Variants in ADAMTSL3 observed in about 807,000 individuals in gnomAD.
ADAMTSL3 encodes ADAMTS like 3.
ADAMTSL3 carries 128 observed loss-of-function variants against 201.7 expected under a neutral mutation model. That is an observed-to-expected ratio of 0.63 (90% CI 0.55 to 0.73). The LOEUF is 0.73. Among genes scored for constraint, ADAMTSL3 ranks in the 30% least tolerant of loss-of-function variants. The pLI, the probability that ADAMTSL3 is intolerant of heterozygous loss-of-function variation, is 0.00. For synonymous variants in ADAMTSL3, 738 were observed against 748.4 expected (o/e 0.99, Z 0.23); for missense variants, 1,990 against 2,119.6 (o/e 0.94, Z 1.20).
chr15:83,676,401 A>G (rs1171515207), intron 2 of ADAMTSL3, among the ~76,000 whole-genome samples: 1 of 152,110 alleles, frequency 6.6e-6, no homozygotes, highest in Non-Finnish European at 1.5e-5. Context: ...CCCTTTGGCC[A>G]GGCGTGGTGG....
chr15:83,885,259 T>C (rs927891493), intron 10 of ADAMTSL3, 47 bp downstream of exon 10: 10 of 1,440,344 alleles, frequency 6.9e-6, no homozygotes, highest in Middle Eastern at 1.7e-4. Context: ...CAGAGTTAGA[T>C]AAATTAGACA....
chr15:83,827,155 C>T (rs1419931908), intron 6 of ADAMTSL3, among the ~76,000 whole-genome samples: 1 of 152,214 alleles, frequency 6.6e-6, no homozygotes, highest in Non-Finnish European at 1.5e-5. Context: ...TATTTCTCCA[C>T]ATCCTCTCCA....
At position 84,002,419 on chromosome 15, in the gene ADAMTSL3, T is replaced by A. The variant is rs539440916; in HGVS notation, c.3973+11205T>A. 3.9e-5 allele frequency among the ~76,000 whole-genome samples: 6 copies of A among 152,280 alleles called. No individual in the cohort carries two copies. The East Asian group carries it at 1.2e-3, about 29-fold the overall frequency. On this transcript the variant is annotated intron_variant, in intron 23 of 29. Coordinates refer to ENST00000286744, the MANE Select transcript of ADAMTSL3 (RefSeq NM_207517.3). ...CTGTCTTCAGTGCCACCAGTACATTTCTCTGTCCTGAAAACTCCACAGTCA... is the reference window on the plus strand; with the variant it reads ...CTGTCTTCAGTGCCACCAGTACATTACTCTGTCCTGAAAACTCCACAGTCA...
intron 2 of ADAMTSL3, among the ~76,000 whole-genome samples, chr15:83,669,174 C>T (rs2061289421): frequency 6.6e-6 from 1 of 152,148 alleles, no homozygotes; most frequent in African/African-American, 2.4e-5. Flanking sequence ...TAGACGGAGT[C>T]TCACTCGGCT....
At chr15:83,723,805 T>C (rs951000368) in intron 3 of ADAMTSL3, among the ~76,000 whole-genome samples, 1 of 152,146 alleles carries the variant, frequency 6.6e-6, no homozygotes, top group African/African-American at 2.4e-5. Context: ...AATTTTCTTT[T>C]AAATGTATTC....
At position 83,853,906 on chromosome 15, in the gene ADAMTSL3, CTCTATCTATCTATCTA is replaced by C. The variant is rs36062109; in HGVS notation, c.728-4823_728-4808del. Among the ~76,000 whole-genome samples the C allele has an allele frequency of 7.9e-3, 1,163 of 146,570 alleles. 11 individuals are homozygous for C. The highest frequency in any genetic ancestry group is 0.023 in the African/African-American group (904 of 39,180). On this transcript the variant is annotated intron_variant, in intron 7 of 29. Transcript: ENST00000286744. ...TGGTTCATTATCCCTATCACTCTAT[CTCTATCTATCTATCTA>C]TCTATCTATCTATCTATCTATCTAT...
chr15:84,016,610 C>G, intron 25 of ADAMTSL3, 111 bp downstream of exon 25: 2 of 915,088 alleles, frequency 2.2e-6, no homozygotes, highest in Non-Finnish European at 3.3e-6. Flanking sequence ...AAAATTATTT[C>G]TAGGCATTTG....
intron 28 of ADAMTSL3, 39 bp from the exon 29 acceptor site, chr15:84,036,734 A>AT: frequency 6.4e-7 from 1 of 1,550,888 alleles, no homozygotes; most frequent in South Asian, 1.2e-5. Flanking sequence ...TGCCTCTCCT[A>AT]TTTTTTGTTT....
chr15:84,023,688 C>G (rs1478469474), intron 26 of ADAMTSL3, among the ~76,000 whole-genome samples: 1 of 152,158 alleles, frequency 6.6e-6, no homozygotes, highest in Non-Finnish European at 1.5e-5. Context: ...AATCTGTCAG[C>G]AGTCTTGTTT....
intron 22 of ADAMTSL3, among the ~76,000 whole-genome samples, chr15:83,990,226 A>G (rs894841081): frequency 1.3e-5 from 2 of 152,170 alleles, no homozygotes; most frequent in Non-Finnish European, 2.9e-5. Flanking sequence ...AAGAGGCTCA[A>G]CAAGAATCGT....
chr15:83,829,012 C>T (rs569523963), intron 6 of ADAMTSL3, among the ~76,000 whole-genome samples: 2 of 152,280 alleles, frequency 1.3e-5, no homozygotes, highest in African/African-American at 4.8e-5. Flanking sequence ...CTCTTCCAGG[C>T]TTTGGTATCA....
chr15:83,665,823 A>G (rs1184298627), intron 2 of ADAMTSL3, among the ~76,000 whole-genome samples: 1 of 152,220 alleles, frequency 6.6e-6, no homozygotes, highest in African/African-American at 2.4e-5. Flanking sequence ...AAATGCTTTT[A>G]TTGTCCAAGC....
At chr15:83,785,944 A>G (rs1003835935) in intron 4 of ADAMTSL3, among the ~76,000 whole-genome samples, 2 of 151,940 alleles carry the variant, frequency 1.3e-5, no homozygotes, top group Non-Finnish European at 2.9e-5. Flanking sequence ...CCTAGATTCA[A>G]GTGATTCTTC....
chr15:83,684,617 A>G (rs73452662), intron 2 of ADAMTSL3, among the ~76,000 whole-genome samples: 7,149 of 152,160 alleles, frequency 0.047, 536 homozygotes, highest in African/African-American at 0.16. Context: ...ATATAAGACA[A>G]TTATACTGTG....
chr15:83,772,967 T>C (rs2063008385), intron 3 of ADAMTSL3, among the ~76,000 whole-genome samples: 1 of 152,236 alleles, frequency 6.6e-6, no homozygotes, highest in South Asian at 2.1e-4. Flanking sequence ...TTAGCCAATT[T>C]ATTTAAATTT....
intron 2 of ADAMTSL3, among the ~76,000 whole-genome samples, chr15:83,662,604 A>G (rs944886707): frequency 2.0e-5 from 3 of 152,058 alleles, no homozygotes; most frequent in East Asian, 1.9e-4. Flanking sequence ...AAGAAAGAAA[A>G]AAAAAAAGTT....
chr15:83,951,941 G>C (rs1216422589), intron 19 of ADAMTSL3, among the ~76,000 whole-genome samples: 1 of 151,884 alleles, frequency 6.6e-6, no homozygotes, highest in African/African-American at 2.4e-5. Context: ...TTTTATTTAT[G>C]TTTTCAAAAA....
At chr15:83,871,429 G>T (rs543395355) in intron 9 of ADAMTSL3, among the ~76,000 whole-genome samples, 1 of 152,146 alleles carries the variant, frequency 6.6e-6, no homozygotes, top group Non-Finnish European at 1.5e-5. Flanking sequence ...AACCAGTATT[G>T]TGCCGCTGCA....
chr15:83,967,471 A>AG (rs1394956148), intron 19 of ADAMTSL3, among the ~76,000 whole-genome samples: 5 of 152,180 alleles, frequency 3.3e-5, no homozygotes. Context: ...ACAGCTTACA[A>AG]GGATGTGAAG....
Sources: gnomAD v4.1 joint callset for allele counts (sites outside exome capture counted in the v4.1 genomes callset) on GRCh38, gnomAD v4.1.1 for gene constraint, MANE v1.5 for transcripts, NCBI Gene and HGNC (gene_info 2026-07-23, HGNC 2026-07-21) for gene names.